AGPAT4: variants seen among roughly 807,000 people sequenced by gnomAD.
AGPAT4 encodes the protein 1-acyl-sn-glycerol-3-phosphate acyltransferase delta.
A neutral mutation model predicts 48.0 loss-of-function variants in AGPAT4; 15 were observed. The observed-to-expected ratio is 0.31, with a 90% CI of 0.21 to 0.48. AGPAT4 has a LOEUF of 0.48. AGPAT4 is among the 20% of genes least tolerant of loss of function. AGPAT4 has a pLI of 0.99. For missense variants in AGPAT4, 314 were observed against 482.5 expected, an observed-to-expected ratio of 0.65 and a Z score of 3.27; for synonymous variants, 178 against 198.7, an observed-to-expected ratio of 0.90 and a Z score of 0.88.
chr6:161,257,885 C>G (rs750404453), intron 1 of AGPAT4, among the ~76,000 whole-genome samples: 5 of 152,166 alleles, frequency 3.3e-5, no homozygotes, highest in Non-Finnish European at 5.9e-5. Flanking sequence ...GATGTGGTGA[C>G]GCAGTCTGTC....
chr6:161,153,707 C>T (rs1473818029), intron 4 of AGPAT4, among the ~76,000 whole-genome samples: 5 of 106,374 alleles, frequency 4.7e-5, no homozygotes, highest in Admixed American at 9.4e-5. Flanking sequence ...GGTGTCATGC[C>T]TGGCCCTGGG....
At position 161,190,599 on chromosome 6, in the gene AGPAT4, A is replaced by C. The variant is rs573087264; in HGVS notation, c.179-24182T>G. On this transcript the variant is annotated intron_variant, in intron 2 of 8. Coordinates refer to ENST00000320285, the MANE Select transcript of AGPAT4 (RefSeq NM_020133.3). The stretch of plus-strand genomic sequence containing the variant: ...GAAGAAACCAAGGGAAAAAAAAAAA[A>C]AAAAAGATCCTTAGACCTTAAGATA... 2.2e-4 allele frequency among the ~76,000 whole-genome samples: 34 copies of C among 152,184 alleles called. 1 individual carries two copies. Among genetic ancestry groups the C allele is most frequent in the African/African-American group, 7.7e-4 (32 of 41,552 alleles).
Position 161,169,976 on chromosome 6 carries a change from C to T in AGPAT4, c.179-3559G>A, listed in dbSNP as rs1479092861. Reference sequence around the variant, plus strand: ...TAGGCCTGCTACTGCTCCTCCTTCCCCTGGATCCCCGCCAGCTTCTCTGAA... The same window carrying T: ...TAGGCCTGCTACTGCTCCTCCTTCCTCTGGATCCCCGCCAGCTTCTCTGAA... On this transcript the variant is annotated intron_variant, in intron 2 of 8. Coordinates refer to ENST00000320285, the MANE Select transcript of AGPAT4 (RefSeq NM_020133.3). The surrounding 1 kb of genome is among the most constrained non-coding windows in gnomAD (Gnocchi z 5.0). 6.6e-6 allele frequency among the ~76,000 whole-genome samples: 1 copy of T among 152,190 alleles called. No individual in the cohort carries two copies. Among genetic ancestry groups the T allele is most frequent in the Non-Finnish European group, 1.5e-5 (1 of 68,034 alleles).
chr6:161,182,944 C>T (rs772237543), intron 2 of AGPAT4, among the ~76,000 whole-genome samples: 4 of 152,144 alleles, frequency 2.6e-5, no homozygotes, highest in African/African-American at 4.8e-5. Flanking sequence ...GAAGAGGAAA[C>T]GCCGAGGCAT....
chr6:161,175,020 CT>C (rs1780389573), intron 2 of AGPAT4, among the ~76,000 whole-genome samples: 1 of 152,116 alleles, frequency 6.6e-6, no homozygotes, highest in Non-Finnish European at 1.5e-5. Flanking sequence ...GGTGGATAAG[CT>C]TTTTGATGTG....
rs1326318353 is a variant in AGPAT4, at chr6:161,137,681, G to C, written c.1043-1047C>G. On this transcript the variant is annotated intron_variant, in intron 8 of 8. Transcript: ENST00000320285. The surrounding 1 kb of genome is among the most constrained non-coding windows in gnomAD (Gnocchi z 6.1). ...ACAAAGTCCTTCAGGGAAGAATGCA[G>C]TCAGGCGCAGGCTCAGAGTAATGGG... Among the ~76,000 whole-genome samples the C allele has an allele frequency of 6.6e-6, 1 of 152,202 alleles. No homozygotes were observed. Among genetic ancestry groups the C allele is most frequent in the Non-Finnish European group, 1.5e-5 (1 of 68,052 alleles).
chr6:161,175,876 A>G (rs753106603), intron 2 of AGPAT4, among the ~76,000 whole-genome samples: 21 of 151,912 alleles, frequency 1.4e-4, no homozygotes, highest in Admixed American at 1.2e-3. Flanking sequence ...CTTTATTCCC[A>G]CCTTCATTTT....
rs535322746 is a variant in AGPAT4 at position 161,139,539 on chromosome 6, C to T, written c.925G>A (p.Val309Met). 4 of 1,614,058 alleles carry T rather than the reference C, an allele frequency of 2.5e-6. No homozygotes were observed. The highest frequency in any genetic ancestry group is 2.2e-5 in the East Asian group (1 of 44,860). Residue 309 changes from valine to methionine, a missense_variant, in exon 8 of 9, where the codon GTG becomes ATG. Val to Met is a conservative substitution (Grantham distance 21). Coordinates refer to ENST00000320285, the MANE Select transcript of AGPAT4 (RefSeq NM_020133.3). The surrounding 1 kb of genome is among the most constrained non-coding windows in gnomAD (Gnocchi z 9.1). ...AGCGAGGCCCAAAACAGCCAGTTCA[C>T]GAGGGTCCAGGGCCGCCGGGGGGGC... ...MVPPRRPWTL[V>M]NWLFWASLVL...
intron 2 of AGPAT4, among the ~76,000 whole-genome samples, chr6:161,230,770 A>G (rs1229679886): frequency 6.6e-6 from 1 of 152,262 alleles, no homozygotes; most frequent in Non-Finnish European, 1.5e-5. Flanking sequence ...CTGTTTTACA[A>G]TTATAACTCA....
chr6:161,187,792 A>G (rs1028936645), intron 2 of AGPAT4, among the ~76,000 whole-genome samples: 1 of 151,986 alleles, frequency 6.6e-6, no homozygotes, highest in East Asian at 1.9e-4. Flanking sequence ...GATCTGCCCA[A>G]CTCAGCCTCC....
At position 161,259,405 on chromosome 6, in the gene AGPAT4, C is replaced by T. The variant is rs1365078505; in HGVS notation, c.-90+14533G>A. Reference sequence around the variant, plus strand: ...AATATGACCTTGGCTGTCCGCAGCGCGTATGCTTTGAGTTGCTGGTGATCA... The same window carrying T: ...AATATGACCTTGGCTGTCCGCAGCGTGTATGCTTTGAGTTGCTGGTGATCA... On this transcript the variant is annotated intron_variant, in intron 1 of 8. Coordinates refer to ENST00000320285, the MANE Select transcript of AGPAT4 (RefSeq NM_020133.3). The surrounding 1 kb of genome is among the most constrained non-coding windows in gnomAD (Gnocchi z 4.9). Among the ~76,000 whole-genome samples, 1 of 152,048 alleles carries T rather than the reference C, an allele frequency of 6.6e-6. No individual in the cohort carries two copies. Among genetic ancestry groups the T allele is most frequent in the East Asian group, 2.0e-4 (1 of 5,116 alleles).
rs1783258790 is a variant in AGPAT4, at chr6:161,266,151, G to A, written c.-90+7787C>T. Among the ~76,000 whole-genome samples, 1 of 152,150 alleles carries A rather than the reference G, an allele frequency of 6.6e-6. No individual in the cohort carries two copies. Among genetic ancestry groups the A allele is most frequent in the African/African-American group, 2.4e-5 (1 of 41,432 alleles). ...CTACTCCTGGCATGTAACAGTTAGAGGCCAGGAATGTGGCTGAGCATCCGA... is the reference window on the plus strand; with the variant it reads ...CTACTCCTGGCATGTAACAGTTAGAAGCCAGGAATGTGGCTGAGCATCCGA... On this transcript the variant is annotated intron_variant, in intron 1 of 8. Transcript: ENST00000320285. This position sits in a 1 kb window ranked among gnomAD's most constrained non-coding sequence, Gnocchi z 6.2.
In AGPAT4 at chr6:161,238,061, TG is replaced by T. The variant is rs1782348307; in HGVS notation, c.-89-5760del. Among the ~76,000 whole-genome samples, 1 of 1,934 alleles carries T rather than the reference TG, an allele frequency of 5.2e-4. No homozygotes were observed. The highest frequency in any genetic ancestry group is 2.1e-3 in the African/African-American group (1 of 476). 1.3% of individuals were successfully genotyped at this position (1,934 alleles called of 152,430 possible). On this transcript the variant is annotated intron_variant, in intron 1 of 8. Coordinates refer to ENST00000320285, the MANE Select transcript of AGPAT4 (RefSeq NM_020133.3). The surrounding 1 kb of genome is among the most constrained non-coding windows in gnomAD (Gnocchi z 5.2). ...CAAGCACTGCTGTGTGTTGGGGGGCTGGGGGTGGGGGGGTAATGGGGGGGTT... is the reference window on the plus strand; with the variant it reads ...CAAGCACTGCTGTGTGTTGGGGGGCTGGGGTGGGGGGGTAATGGGGGGGTT...
Position 161,209,065 on chromosome 6 carries a change from G to T in AGPAT4, c.178+22971C>A, listed in dbSNP as rs367798954. On this transcript the variant is annotated intron_variant, in intron 2 of 8. Coordinates refer to ENST00000320285, the MANE Select transcript of AGPAT4 (RefSeq NM_020133.3). ...GTGTAAACCAAATGAAAGAAGTTGG[G>T]TTGCCCATAAATCAGCTTGAAACCT... is the stretch of plus-strand genomic sequence containing the variant. Among the ~76,000 whole-genome samples the T allele has an allele frequency of 2.6e-4, 39 of 152,308 alleles. No individual in the cohort carries two copies. In the East Asian group the frequency reaches 7.1e-3, roughly 28 times the overall value.
In AGPAT4 at chr6:161,264,683, C is replaced by T. The variant is rs149158811; in HGVS notation, c.-90+9255G>A. On this transcript the variant is annotated intron_variant, in intron 1 of 8. Transcript: ENST00000320285. This position sits in a 1 kb window ranked among gnomAD's most constrained non-coding sequence, Gnocchi z 6.8. ...GGTCGGCTCCCTCTTTGTATTCCTG[C>T]GGGCTGAATGCACGGGCTCCCTAAG... 2.7e-3 allele frequency among the ~76,000 whole-genome samples: 409 copies of T among 152,244 alleles called. 1 individual carries two copies. Among genetic ancestry groups the T allele is most frequent in the African/African-American group, 9.3e-3 (386 of 41,550 alleles).
chr6:161,262,484 C>T lies in AGPAT4; in HGVS notation c.-90+11454G>A, dbSNP rs1252089121. Among the ~76,000 whole-genome samples, 8 of 150,670 alleles carry T rather than the reference C, an allele frequency of 5.3e-5. No homozygotes were observed. The highest frequency in any genetic ancestry group is 2.1e-4 in the South Asian group (1 of 4,766). ...ATACTAGCTCATTCCTTTTTTTTTTCCCCCTCCTCATTATTCTCTCATAGC... is the reference window on the plus strand; with the variant it reads ...ATACTAGCTCATTCCTTTTTTTTTTTCCCCTCCTCATTATTCTCTCATAGC... On this transcript the variant is annotated intron_variant, in intron 1 of 8. Coordinates refer to ENST00000320285, the MANE Select transcript of AGPAT4 (RefSeq NM_020133.3). This position sits in a 1 kb window ranked among gnomAD's most constrained non-coding sequence, Gnocchi z 4.9.
chr6:161,161,454 C>T lies in AGPAT4; in HGVS notation c.348+4794G>A, dbSNP rs867679680. 22 of 456,572 alleles carry T rather than the reference C, an allele frequency of 4.8e-5. No individual in the cohort carries two copies. The East Asian group carries it at 7.0e-4, about 14-fold the overall frequency. 28.3% of individuals were successfully genotyped at this position (456,572 alleles called of 1,614,324 possible). On this transcript the variant is annotated intron_variant, in intron 3 of 8. Transcript: ENST00000320285. The surrounding 1 kb of genome is among the most constrained non-coding windows in gnomAD (Gnocchi z 4.6). Reference sequence around the variant, plus strand: ...GTGAATGGTAAGAGGCAGAGGGTGGCGTCCCAGCCCATTCCTAGTGCAAGG... The same window carrying T: ...GTGAATGGTAAGAGGCAGAGGGTGGTGTCCCAGCCCATTCCTAGTGCAAGG...
rs1026227164 is a variant in AGPAT4 at position 161,232,301 on chromosome 6, G to A, written c.-88C>T. On this transcript the variant is annotated splice_region_variant and 5_prime_UTR_variant, in exon 2 of 9. The change creates a new upstream start codon in the 5' untranslated region. Coordinates refer to ENST00000320285, the MANE Select transcript of AGPAT4 (RefSeq NM_020133.3). The surrounding 1 kb of genome is among the most constrained non-coding windows in gnomAD (Gnocchi z 6.8). ...AGAAAGATCCAGGACTCAGGAAGGCGTCTAAAACACAAACAAATAGGAAAT... is the reference window on the plus strand; with the variant it reads ...AGAAAGATCCAGGACTCAGGAAGGCATCTAAAACACAAACAAATAGGAAAT... 2.0e-5 allele frequency: 25 copies of A among 1,275,476 alleles called. No homozygotes were observed. The highest frequency in any genetic ancestry group is 8.2e-5 in the South Asian group (5 of 60,640). The allele number at this position is 1,275,476 out of a possible 1,614,324, so 79.0% of individuals were successfully genotyped here.
At position 161,204,687 on chromosome 6, in the gene AGPAT4, A is replaced by G. The variant is rs1043845548; in HGVS notation, c.178+27349T>C. 6.6e-6 allele frequency among the ~76,000 whole-genome samples: 1 copy of G among 152,114 alleles called. No individual in the cohort carries two copies. The highest frequency in any genetic ancestry group is 1.5e-5 in the Non-Finnish European group (1 of 68,026). On this transcript the variant is annotated intron_variant, in intron 2 of 8. Transcript: ENST00000320285. The surrounding 1 kb of genome is among the most constrained non-coding windows in gnomAD (Gnocchi z 4.4). The stretch of plus-strand genomic sequence containing the variant: ...TGTTTGTCATCAGCAGCTGTTAAAA[A>G]AAAATGTTCCCTAAATTCACAGAAT...
Sources: allele counts gnomAD v4.1 joint callset (sites outside exome capture counted in the v4.1 genomes callset), GRCh38; gene constraint gnomAD v4.1.1; non-coding constraint Gnocchi (gnomAD v3.1); transcripts MANE v1.5; gene names NCBI Gene and HGNC (gene_info 2026-07-23, HGNC 2026-07-21).